The following NBPF10 variants were observed in gnomAD, a reference collection of about 807,000 sequenced individuals.
NBPF10 encodes the protein NBPF member 10.
A neutral mutation model predicts 77.9 loss-of-function variants in NBPF10; 63 were observed. That is an observed-to-expected ratio of 0.81 (90% CI 0.66 to 1.00). The LOEUF (loss-of-function observed/expected upper bound fraction) is 1.00. Ranked by LOEUF, NBPF10 falls within the 50% of genes least tolerant of loss-of-function variation. NBPF10 has a pLI of 0.00. For missense variants in NBPF10, 522 were observed against 679.8 expected, an observed-to-expected ratio of 0.77 and a Z score of 2.58; for synonymous variants, 146 against 264.5, an observed-to-expected ratio of 0.55 and a Z score of 4.35.
At chr1:146,138,786 T>A (rs1293187651) in intron 5 of NBPF10, among the ~76,000 whole-genome samples, 9 of 136,056 alleles carry the variant, frequency 6.6e-5, no homozygotes, top group Admixed American at 5.2e-4. Flanking sequence ...TCTTTTTTGG[T>A]TTTTTGTTTT....
At chr1:146,139,130 C>G (rs1275983953) in intron 5 of NBPF10, among the ~76,000 whole-genome samples, 50 of 126,688 alleles carry the variant, frequency 3.9e-4, no homozygotes, top group African/African-American at 1.3e-3. Flanking sequence ...GATGGAGTCT[C>G]GCTCTGTCTC....
chr1:146,123,554 T>A (rs1658338699), intron 17 of NBPF10, among the ~76,000 whole-genome samples: 1 of 103,102 alleles, frequency 9.7e-6, no homozygotes, highest in Admixed American at 9.7e-5. Flanking sequence ...CTCAGTGAAT[T>A]GTCCAGGTGA....
intron 6 of NBPF10, among the ~76,000 whole-genome samples, chr1:146,136,830 C>T (rs7534488): frequency 4.8e-4 from 71 of 148,266 alleles, no homozygotes; most frequent in Admixed American, 2.5e-3. Context: ...CTTGTACAGT[C>T]GGGAAGGCCC....
intron 87 of NBPF10, among the ~76,000 whole-genome samples, chr1:146,068,533 T>C (rs1655434670): frequency 6.9e-5 from 2 of 28,926 alleles, no homozygotes; most frequent in South Asian, 1.4e-3. Context: ...TTGCTCAAGA[T>C]TCCATGCAGT....
chr1:146,123,475 G>GAC (rs879248132), intron 17 of NBPF10, among the ~76,000 whole-genome samples, 197 bp from the exon 18 acceptor site: 585 of 33,508 alleles, frequency 0.017, 1 homozygote, highest in Middle Eastern at 0.052. Context: ...AAGACAGATA[G>GAC]ACACACACAC....
rs782336253 is a variant in NBPF10, at chr1:146,141,777, G to A, written c.320C>T (p.Thr107Ile). ...TTCCCGTAACTTCTCCCTTAGCTGG[G>A]TCAGCTCTCGTTCCTGAGAGTGAAC... Residue 107 changes from threonine (T) to isoleucine (I), a missense_variant, in exon 3 of 90, where the codon ACC becomes ATC. Thr to Ile is a moderately conservative substitution (Grantham distance 89, BLOSUM62 -1). Transcript: ENST00000583866. The A allele has an allele frequency of 7.4e-6, 10 of 1,343,072 alleles. 1 individual carries two copies. In the East Asian group the frequency reaches 2.8e-4, roughly 38 times the overall value. The allele number at this position is 1,343,072 out of a possible 1,614,324, so 83.2% of individuals were successfully genotyped here.
intron 17 of NBPF10, 60 bp downstream of exon 17, chr1:146,123,867 C>G (rs1223550132): frequency 2.2e-5 from 8 of 366,134 alleles, no homozygotes; most frequent in Non-Finnish European, 3.6e-5. Flanking sequence ...CTCTGTTTTC[C>G]CTGAACCAGG....
intron 86 of NBPF10, 150 bp downstream of exon 86, chr1:146,069,393 G>C (rs1373935391): frequency 4.2e-6 from 2 of 476,968 alleles, no homozygotes; most frequent in Non-Finnish European, 7.4e-6. Flanking sequence ...CTTCCAAGTG[G>C]AACTAGAGTT....
In NBPF10 at chr1:146,126,423, A is replaced by T. The variant is rs1219831721; in HGVS notation, c.1854-15T>A. On this transcript the variant is annotated splice_polypyrimidine_tract_variant and intron_variant, in intron 13 of 89. Coordinates refer to ENST00000583866, the Ensembl canonical transcript of NBPF10. ...CCCTGCTGAGCGTGGAAAAGTAGGA[A>T]AAAGTAAAGAATAAGCCAGGGGGAA... is the stretch of plus-strand genomic sequence containing the variant. The T allele has an allele frequency of 9.2e-7, 1 of 1,088,762 alleles. No homozygotes were observed. The highest frequency in any genetic ancestry group is 1.8e-5 in the Admixed American group (1 of 56,828). 67.4% of individuals were successfully genotyped at this position (1,088,762 alleles called of 1,614,324 possible).
chr1:146,067,811 T>C (rs5011764), intron 88 of NBPF10, among the ~76,000 whole-genome samples, 192 bp downstream of exon 88: 2 of 151,488 alleles, frequency 1.3e-5, no homozygotes, highest in African/African-American at 2.4e-5. Flanking sequence ...AGGAAGAGAG[T>C]CTTGCTCACT....
intron 5 of NBPF10, among the ~76,000 whole-genome samples, chr1:146,138,769 A>C (rs1659966718): frequency 7.9e-6 from 1 of 125,956 alleles, no homozygotes; most frequent in Non-Finnish European, 1.8e-5. Context: ...TGCTTTTTTA[A>C]TTTTTTTCTT....
At chr1:146,080,968 CAGATAG>C (rs1322291494) in intron 71 of NBPF10, among the ~76,000 whole-genome samples, 191 bp from the exon 72 acceptor site, 11 of 61,060 alleles carry the variant, frequency 1.8e-4, no homozygotes, top group South Asian at 6.6e-4. Flanking sequence ...AAGAGAAAGA[CAGATAG>C]ACACACACAC....
intron 14 of NBPF10, 82 bp from the exon 15 acceptor site, chr1:146,125,598 G>T: frequency 7.3e-6 from 4 of 548,384 alleles, no homozygotes; most frequent in East Asian, 5.6e-5. Context: ...TCCTCACACA[G>T]GGACTTCAGG....
chr1:146,143,991 GC>G (rs1660558057), intron 1 of NBPF10, among the ~76,000 whole-genome samples: 1 of 150,634 alleles, frequency 6.6e-6, no homozygotes, highest in Admixed American at 6.6e-5. Flanking sequence ...CTCGTGCTCT[GC>G]CCGCCTCAGC....
rs1246712101 is a variant in NBPF10 at position 146,140,310 on chromosome 1, C to T, written c.566+174G>A. Among the ~76,000 whole-genome samples, 4 of 127,404 alleles carry T rather than the reference C, an allele frequency of 3.1e-5. 1 individual carries two copies. Among genetic ancestry groups the T allele is most frequent in the African/African-American group, 5.1e-5 (2 of 38,906 alleles). 83.6% of individuals were successfully genotyped at this position (127,404 alleles called of 152,430 possible). On this transcript the variant is annotated intron_variant, in intron 4 of 89. Coordinates refer to ENST00000583866, the Ensembl canonical transcript of NBPF10. Reference sequence around the variant, plus strand: ...CATGGTACAGACATGACACTTGGCACACATAGAGAAACACGACAGCTGCCG... The same window carrying T: ...CATGGTACAGACATGACACTTGGCATACATAGAGAAACACGACAGCTGCCG...
In NBPF10 at chr1:146,126,118, A is replaced by C; in HGVS notation, c.2026+118T>G. The C allele has an allele frequency of 9.5e-6, 7 of 734,564 alleles. No individual in the cohort carries two copies. The South Asian group carries it at 1.1e-4, about 11-fold the overall frequency. The allele number at this position is 734,564 out of a possible 1,614,324, so 45.5% of individuals were successfully genotyped here. A position where few individuals can be genotyped will look rare whatever the true frequency, so the allele number is the denominator to read the frequency against. On this transcript the variant is annotated intron_variant, in intron 14 of 89. Transcript: ENST00000583866. ...AGTTTCATTCAACCTACATGTGCCT[A>C]TAGGTCCTCCCTGTGGCAATGACAT...
rs1222753185 is a variant in NBPF10, at chr1:146,140,334, C to T, written c.566+150G>A. ...ACACATAGAGAAACACGACAGCTGC[C>T]GCACCCTGTGTCTAAGCTGGGTTCA... is the stretch of plus-strand genomic sequence containing the variant. On this transcript the variant is annotated intron_variant, in intron 4 of 89. Coordinates refer to ENST00000583866, the Ensembl canonical transcript of NBPF10. 51 of 804,802 alleles carry T rather than the reference C, an allele frequency of 6.3e-5. 11 individuals carry two copies. The East Asian group carries it at 7.5e-4, about 12-fold the overall frequency. The allele number at this position is 804,802 out of a possible 1,614,324, so 49.9% of individuals were successfully genotyped here. A position where few individuals can be genotyped will look rare whatever the true frequency, so the allele number is the denominator to read the frequency against.
chr1:146,125,573 C>G (rs1309203365), intron 14 of NBPF10, 57 bp from the exon 15 acceptor site: 21 of 637,778 alleles, frequency 3.3e-5, no homozygotes, highest in African/African-American at 2.7e-4. Flanking sequence ...ACACACATAA[C>G]AATCCACTGT....
chr1:146,139,254 C>T (rs1196413525), intron 5 of NBPF10, among the ~76,000 whole-genome samples: 17 of 149,650 alleles, frequency 1.1e-4, no homozygotes, highest in African/African-American at 3.9e-4. Context: ...CGCCCACCAC[C>T]ACGCCCAGCT....
Sources: gnomAD v4.1 joint callset for allele counts (sites outside exome capture counted in the v4.1 genomes callset) on GRCh38, gnomAD v4.1.1 for gene constraint, MANE v1.5 for transcripts, NCBI Gene and HGNC (gene_info 2026-07-23, HGNC 2026-07-21) for gene names.